Variants in ANKS1B observed in about 807,000 individuals in gnomAD.
The protein encoded by ANKS1B is ankyrin repeat and sterile alpha motif domain-containing protein 1B.
A neutral mutation model predicts 148.3 loss-of-function variants in ANKS1B; 36 were observed. That is an observed-to-expected ratio of 0.24 (90% CI 0.19 to 0.32). The LOEUF (loss-of-function observed/expected upper bound fraction) is 0.32, where lower values mean the gene tolerates loss of function less well. Among genes scored for constraint, ANKS1B ranks in the 10% least tolerant of loss-of-function variants. ANKS1B has a pLI of 1.00. For synonymous variants in ANKS1B, 542 were observed against 560.8 expected, an observed-to-expected ratio of 0.97 and a Z score of 0.47; for missense variants, 1,157 against 1,542.6, an observed-to-expected ratio of 0.75 and a Z score of 4.19.
At position 98,937,757 on chromosome 12, in the gene ANKS1B, A is replaced by G. The variant is rs1400078637; in HGVS notation, c.2779-105621T>C. 3.3e-5 allele frequency among the ~76,000 whole-genome samples: 5 copies of G among 152,280 alleles called. No homozygotes were observed. In the East Asian group the frequency reaches 9.6e-4, roughly 29 times the overall value. On this transcript the variant is annotated intron_variant, in intron 17 of 26. Coordinates refer to ENST00000683438, the MANE Select transcript of ANKS1B (RefSeq NM_001352186.2). ...TGTATTACTCTACACTGCTATAAAG[A>G]TACTATCTGAAACTGGGCAATTTAT...
chr12:99,583,012 A>G (rs1262443637), intron 9 of ANKS1B, among the ~76,000 whole-genome samples: 1 of 152,130 alleles, frequency 6.6e-6, no homozygotes, highest in Non-Finnish European at 1.5e-5. Context: ...GAACACCTCT[A>G]AATCTAGATA....
intron 25 of ANKS1B, among the ~76,000 whole-genome samples, chr12:98,753,313 G>A (rs1170777794): frequency 1.3e-5 from 2 of 152,156 alleles, no homozygotes; most frequent in Admixed American, 1.3e-4. Context: ...AGGCAGGGTG[G>A]CCACCACACC....
At chr12:99,880,043 T>A (rs60703460) in intron 1 of ANKS1B, among the ~76,000 whole-genome samples, 2 of 151,948 alleles carry the variant, frequency 1.3e-5, no homozygotes, top group Admixed American at 6.6e-5. Context: ...ACAAGATGCA[T>A]AATCTTGCAC....
intron 9 of ANKS1B, among the ~76,000 whole-genome samples, chr12:99,605,315 T>C (rs1368205114): frequency 6.6e-6 from 1 of 152,078 alleles, no homozygotes; most frequent in Non-Finnish European, 1.5e-5. Context: ...CAGATACTTA[T>C]CATTTGTTTG....
At chr12:99,905,883 G>T (rs2093761340) in intron 1 of ANKS1B, among the ~76,000 whole-genome samples, 1 of 152,140 alleles carries the variant, frequency 6.6e-6, no homozygotes, top group Non-Finnish European at 1.5e-5. Flanking sequence ...GGTAGATGGG[G>T]TTAGGAGAGC....
At position 98,751,724 on chromosome 12, in the gene ANKS1B, A is replaced by G. The variant is rs1411580639; in HGVS notation, c.3580-202T>C. 1.3e-5 allele frequency among the ~76,000 whole-genome samples: 2 copies of G among 152,218 alleles called. No homozygotes were observed. Among genetic ancestry groups the G allele is most frequent in the Admixed American group, 6.5e-5 (1 of 15,292 alleles). On this transcript the variant is annotated intron_variant, in intron 25 of 26. Coordinates refer to ENST00000683438, the MANE Select transcript of ANKS1B (RefSeq NM_001352186.2). This position sits in a 1 kb window ranked among gnomAD's most constrained non-coding sequence, Gnocchi z 4.3. ...TTACACCAGGCTTTAGTCATTTGTG[A>G]AAAGAAAAATCTTGGGACCTCAAAT...
intron 9 of ANKS1B, among the ~76,000 whole-genome samples, chr12:99,589,466 T>C (rs2097678126): frequency 6.6e-6 from 1 of 151,948 alleles, no homozygotes; most frequent in African/African-American, 2.4e-5. Context: ...CTACTTCTCA[T>C]TTAGGTTCCC....
Position 98,773,063 on chromosome 12 carries a change from A to G in ANKS1B, c.3558T>C (p.His1186=). The G allele has an allele frequency of 8.1e-6, 13 of 1,614,028 alleles. No homozygotes were observed. Among genetic ancestry groups the G allele is most frequent in the Non-Finnish European group, 1.1e-5 (13 of 1,179,890 alleles). Residue 1186 remains histidine (H), a synonymous_variant, in exon 25 of 27, where the codon CAT becomes CAC. Coordinates refer to ENST00000683438, the MANE Select transcript of ANKS1B (RefSeq NM_001352186.2). ...KDLKSNHHYC[H]VFTAFDVNLA... ...TCACCACATCAAAGGCAGTAAACAC[A>G]TGACAGTAGTGGTGATTAGACTTCA...
At chr12:99,225,846 G>A (rs1445226722) in intron 14 of ANKS1B, among the ~76,000 whole-genome samples, 1 of 152,206 alleles carries the variant, frequency 6.6e-6, no homozygotes, top group Non-Finnish European at 1.5e-5. Context: ...TCAGCTTGCA[G>A]ACAGCATATT....
chr12:99,570,587 CA>C (rs2097443750), intron 9 of ANKS1B, among the ~76,000 whole-genome samples: 1 of 148,808 alleles, frequency 6.7e-6, no homozygotes, highest in Non-Finnish European at 1.5e-5. Context: ...GCGGGGTTTG[CA>C]GTGAGCTAAG....
chr12:99,746,193 G>T (rs2060576440), intron 8 of ANKS1B, among the ~76,000 whole-genome samples: 1 of 152,076 alleles, frequency 6.6e-6, no homozygotes, highest in Non-Finnish European at 1.5e-5. Flanking sequence ...TTTCCCCAAG[G>T]TTTCTGAATA....
chr12:99,475,654 AAACTCATATGGTAAAAT>A (rs1257405891), intron 10 of ANKS1B, among the ~76,000 whole-genome samples: 1 of 151,728 alleles, frequency 6.6e-6, no homozygotes, highest in East Asian at 1.9e-4. Context: ...AATTATCTTA[AAACTCATATGGTAAAAT>A]AAATGACCAA....
chr12:99,387,549 G>A (rs1004168720), intron 12 of ANKS1B, among the ~76,000 whole-genome samples: 1 of 152,050 alleles, frequency 6.6e-6, no homozygotes, highest in Non-Finnish European at 1.5e-5. Context: ...CCCGGAGGCG[G>A]AGATTGCGGC....
intron 12 of ANKS1B, among the ~76,000 whole-genome samples, chr12:99,354,414 C>T (rs1244387718): frequency 6.6e-6 from 1 of 151,976 alleles, no homozygotes; most frequent in Admixed American, 6.6e-5. Context: ...GATCTGAATT[C>T]AGAGTTTGTC....
chr12:99,659,529 C>T (rs2098465737), intron 8 of ANKS1B, among the ~76,000 whole-genome samples: 1 of 152,066 alleles, frequency 6.6e-6, no homozygotes, highest in African/African-American at 2.4e-5. Flanking sequence ...CAATAATATA[C>T]TGTAGGGAGA....
intron 17 of ANKS1B, among the ~76,000 whole-genome samples, chr12:99,011,959 A>G (rs1396364562): frequency 6.6e-6 from 1 of 152,192 alleles, no homozygotes; most frequent in Non-Finnish European, 1.5e-5. Context: ...GTGATTTGAA[A>G]TCAAGGGAAA....
At chr12:99,648,224 CA>C in intron 9 of ANKS1B, 1 of 1,614,170 alleles carries the variant, frequency 6.2e-7, no homozygotes, top group Admixed American at 1.7e-5. Context: ...AGCAGCCCCG[CA>C]ATGGGCATGT....
Position 99,139,440 on chromosome 12 carries a change from T to TTCTTTCTTTCCTTC in ANKS1B, c.2526+14848_2526+14849insGAAGGAAAGAAAGA, listed in dbSNP as rs201769650. On this transcript the variant is annotated intron_variant, in intron 15 of 26. Transcript: ENST00000683438. ...TTTCTTTCTTTCTTTCTTTCTTTCT[T>TTCTTTCTTTCCTTC]TTTCTTTCTTTCTTTCTTTCAAGAT... is the stretch of plus-strand genomic sequence containing the variant. 8.5e-4 allele frequency among the ~76,000 whole-genome samples: 4 copies of TTCTTTCTTTCCTTC among 4,732 alleles called. 2 individuals carry two copies. Among genetic ancestry groups the TTCTTTCTTTCCTTC allele is most frequent in the Non-Finnish European group, 1.2e-3 (4 of 3,412 alleles). 3.1% of individuals were successfully genotyped at this position (4,732 alleles called of 152,430 possible).
intron 8 of ANKS1B, among the ~76,000 whole-genome samples, chr12:99,712,692 A>G (rs1039611588): frequency 2.6e-5 from 4 of 152,218 alleles, no homozygotes; most frequent in East Asian, 1.9e-4. Flanking sequence ...AAGTTATCAG[A>G]TCAAAAAGTA....
Sources: allele counts gnomAD v4.1 joint callset (sites outside exome capture counted in the v4.1 genomes callset), GRCh38; gene constraint gnomAD v4.1.1; non-coding constraint Gnocchi (gnomAD v3.1); transcripts MANE v1.5; gene names NCBI Gene and HGNC (gene_info 2026-07-23, HGNC 2026-07-21).